Variants in ST7 observed in about 807,000 individuals in gnomAD.
ST7 encodes the protein suppressor of tumorigenicity 7 protein.
A neutral mutation model predicts 78.7 loss-of-function variants in ST7; 28 were observed. The ratio of observed to expected loss-of-function variants is 0.36; its 90% CI spans 0.26 to 0.49. ST7 has a LOEUF of 0.49. Among genes scored for constraint, ST7 ranks in the 20% least tolerant of loss-of-function variants. The pLI, the probability that ST7 is intolerant of heterozygous loss-of-function variation, is 0.99. For synonymous variants in ST7, 247 were observed against 249.6 expected (o/e 0.99, Z 0.10); for missense variants, 418 against 696.0 (o/e 0.60, Z 4.49).
At chr7:117,030,411 G>C (rs987937771) in intron 1 of ST7, among the ~76,000 whole-genome samples, 3 of 152,182 alleles carry the variant, frequency 2.0e-5, no homozygotes, top group African/African-American at 4.8e-5. Context: ...TGGAAAGTGA[G>C]ATTTCACTAA....
At chr7:117,223,824 G>T (rs1793273248) in intron 15 of ST7, 3 of 373,394 alleles carry the variant, frequency 8.0e-6, no homozygotes, top group South Asian at 2.2e-4. Flanking sequence ...GCAGAACGGT[G>T]TCTTCATTAT....
intron 1 of ST7, among the ~76,000 whole-genome samples, chr7:117,041,024 T>C (rs1278244580): frequency 1.3e-5 from 2 of 152,118 alleles, no homozygotes; most frequent in Non-Finnish European, 2.9e-5. Flanking sequence ...AAGTTACCAT[T>C]GGTAGATGGT....
At chr7:117,012,430 C>T (rs968242310) in intron 1 of ST7, among the ~76,000 whole-genome samples, 15 of 152,074 alleles carry the variant, frequency 9.9e-5, no homozygotes, top group Non-Finnish European at 2.9e-5. Flanking sequence ...CTCCATGCCT[C>T]AGTTCTTCAT....
chr7:117,209,678 T>G, intron 12 of ST7, 109 bp from the exon 13 acceptor site: 2 of 1,295,462 alleles, frequency 1.5e-6, no homozygotes, highest in Non-Finnish European at 2.1e-6. Context: ...GCAGGTTTAA[T>G]GAAATGCTTA....
At chr7:117,121,084 C>T (rs531250795) in intron 3 of ST7, among the ~76,000 whole-genome samples, 1 of 152,168 alleles carries the variant, frequency 6.6e-6, no homozygotes, top group African/African-American at 2.4e-5. Context: ...CTACAATGTT[C>T]TTTGTCATTC....
At chr7:117,093,978 C>T (rs1403536961) in intron 1 of ST7, among the ~76,000 whole-genome samples, 1 of 152,070 alleles carries the variant, frequency 6.6e-6, no homozygotes, top group Non-Finnish European at 1.5e-5. Context: ...TTAGTTGGGC[C>T]GCATTGTCCA....
intron 5 of ST7, 121 bp downstream of exon 5, chr7:117,130,727 G>A: frequency 1.6e-6 from 1 of 626,202 alleles, no homozygotes; most frequent in Non-Finnish European, 2.6e-6. Flanking sequence ...ATTGTTGATT[G>A]ACTAATAAGA....
At chr7:117,227,968 C>T (rs1291982431) in intron 15 of ST7, among the ~76,000 whole-genome samples, 1 of 152,226 alleles carries the variant, frequency 6.6e-6, no homozygotes, top group Non-Finnish European at 1.5e-5. Context: ...AGGGCCCTCC[C>T]CAGTATCCTT....
chr7:117,009,747 G>A (rs773452388), intron 1 of ST7, among the ~76,000 whole-genome samples: 2 of 151,952 alleles, frequency 1.3e-5, no homozygotes, highest in Non-Finnish European at 2.9e-5. Flanking sequence ...GTCATCTTCT[G>A]ATAGAGTTAA....
intron 1 of ST7, among the ~76,000 whole-genome samples, chr7:117,064,819 C>G (rs1316932947): frequency 1.3e-5 from 2 of 152,088 alleles, no homozygotes; most frequent in Non-Finnish European, 2.9e-5. Context: ...AAGAGTTTCC[C>G]GGGAAGTGCG....
In ST7 at chr7:117,229,941, G is replaced by T; in HGVS notation, c.*84G>T. The T allele has an allele frequency of 8.3e-7, 1 of 1,211,590 alleles. No individual in the cohort carries two copies. The highest frequency in any genetic ancestry group is 1.2e-6 in the Non-Finnish European group (1 of 812,572). The allele number at this position is 1,211,590 out of a possible 1,614,324, so 75.1% of individuals were successfully genotyped here. Reference sequence around the variant, plus strand: ...CTCCTTGTGGACCGCAAGAAAGCATGACTTTGAAAAAGGGAAGCCATTCCG... The same window carrying T: ...CTCCTTGTGGACCGCAAGAAAGCATTACTTTGAAAAAGGGAAGCCATTCCG... On this transcript the variant is annotated 3_prime_UTR_variant, in exon 16 of 16. Transcript: ENST00000323984.
intron 1 of ST7, among the ~76,000 whole-genome samples, chr7:117,003,393 G>C (rs989434773): frequency 2.0e-5 from 3 of 151,948 alleles, no homozygotes; most frequent in Non-Finnish European, 2.9e-5. Flanking sequence ...TGACTCCTGG[G>C]TTCAAGCAAT....
chr7:117,110,585 C>G (rs1020693110), intron 2 of ST7, among the ~76,000 whole-genome samples: 1 of 152,200 alleles, frequency 6.6e-6, no homozygotes, highest in African/African-American at 2.4e-5. Context: ...GCAGCCTGCA[C>G]TCTGTCACTC....
At chr7:117,081,564 TA>T (rs1045155940) in intron 1 of ST7, among the ~76,000 whole-genome samples, 2 of 152,208 alleles carry the variant, frequency 1.3e-5, no homozygotes, top group African/African-American at 4.8e-5. Flanking sequence ...ATCTGAGACA[TA>T]ATGATTTTTA....
At chr7:117,045,308 C>A (rs1232667060) in intron 1 of ST7, among the ~76,000 whole-genome samples, 1 of 152,088 alleles carries the variant, frequency 6.6e-6, no homozygotes, top group Non-Finnish European at 1.5e-5. Flanking sequence ...GCAGATCTGG[C>A]CATGATACCT....
intron 1 of ST7, among the ~76,000 whole-genome samples, chr7:116,989,861 T>G (rs1794349483): frequency 6.6e-6 from 1 of 152,180 alleles, no homozygotes; most frequent in South Asian, 2.1e-4. Flanking sequence ...TTTTTTTCCT[T>G]GTGTCTGGTG....
intron 1 of ST7, among the ~76,000 whole-genome samples, chr7:116,971,999 A>G (rs1381237919): frequency 6.6e-6 from 1 of 152,212 alleles, no homozygotes; most frequent in Admixed American, 6.5e-5. Context: ...GGGAAGAGGC[A>G]GAGACAGTTT....
At position 117,119,646 on chromosome 7, in the gene ST7, G is replaced by A. The variant is rs1259475797; in HGVS notation, c.320G>A (p.Gly107Glu). 6.2e-6 allele frequency: 10 copies of A among 1,613,778 alleles called. No individual in the cohort carries two copies. The highest frequency in any genetic ancestry group is 8.5e-6 in the Non-Finnish European group (10 of 1,179,996). Reference protein sequence around the residue: ...SVSHLRPLLGGVDNNSSNNSN... With the variant: ...SVSHLRPLLGEVDNNSSNNSN... Reference sequence around the variant, plus strand: ...AGCCACTTGCGCCCCCTTCTGGGAGGGGTTGACAACAACTCTTCCAACAAT... The same window carrying A: ...AGCCACTTGCGCCCCCTTCTGGGAGAGGTTGACAACAACTCTTCCAACAAT... Residue 107 changes from glycine to glutamate, a missense_variant, in exon 3 of 16, where the codon GGG becomes GAG. Around this residue, in one of 4 missense-constraint regions of ST7, gnomAD observed 36 missense variants for 29.7 expected, o/e 1.21. Coordinates refer to ENST00000323984, the MANE Select transcript of ST7 (RefSeq NM_001369598.1).
chr7:116,960,674 TACTTA>T (rs1792781329), intron 1 of ST7, among the ~76,000 whole-genome samples: 2 of 152,198 alleles, frequency 1.3e-5, no homozygotes, highest in South Asian at 4.1e-4. Context: ...TAATATGAGG[TACTTA>T]ACTTGTACAT....
Sources: allele counts gnomAD v4.1 joint callset (sites outside exome capture counted in the v4.1 genomes callset), GRCh38; gene constraint gnomAD v4.1.1; regional missense constraint gnomAD v4.1.1; transcripts MANE v1.5; gene names NCBI Gene and HGNC (gene_info 2026-07-23, HGNC 2026-07-21).